The following DISC1 variants were observed in gnomAD, a reference collection of about 807,000 sequenced individuals.
DISC1 encodes the protein DISC1 scaffold protein.
Under a neutral mutation model 84.5 loss-of-function variants are expected in DISC1, and 57 were observed. The observed-to-expected ratio is 0.67, with a 90% CI of 0.55 to 0.84. The LOEUF (loss-of-function observed/expected upper bound fraction) is 0.84. Ranked by LOEUF, DISC1 falls within the 40% of genes least tolerant of loss-of-function variation. The pLI, the probability that DISC1 is intolerant of heterozygous loss-of-function variation, is 0.00. For missense variants in DISC1, 1,000 were observed against 1,057.8 expected, an observed-to-expected ratio of 0.95 and a Z score of 0.76; for synonymous variants, 411 against 415.2, an observed-to-expected ratio of 0.99 and a Z score of 0.12.
chr1:231,649,716 A>T (rs1162485129), intron 1 of DISC1, among the ~76,000 whole-genome samples: 5 of 152,114 alleles, frequency 3.3e-5, no homozygotes, highest in African/African-American at 1.2e-4. Context: ...ATCTCTAAAG[A>T]CTTGCTTTAT....
chr1:231,748,359 T>A (rs1003658156), intron 3 of DISC1, among the ~76,000 whole-genome samples: 1 of 152,246 alleles, frequency 6.6e-6, no homozygotes, highest in Non-Finnish European at 1.5e-5. Context: ...TTCAGTAAGA[T>A]GTTCACTGTG....
intron 4 of DISC1, among the ~76,000 whole-genome samples, chr1:231,763,734 A>G (rs894526531): frequency 1.1e-4 from 17 of 152,212 alleles, no homozygotes; most frequent in African/African-American, 3.1e-4. Flanking sequence ...TCATTGGTCC[A>G]TGCCTTGCAA....
At position 231,932,202 on chromosome 1, in the gene DISC1, T is replaced by C. The variant is rs73096858; in HGVS notation, c.1982-26626T>C. ...ATAACCTACCTAATGACAATGAGTC[T>C]CTTGTCTTTTCTTAGGGCTGCATAA... On this transcript the variant is annotated intron_variant, in intron 9 of 12. Transcript: ENST00000439617. Among the ~76,000 whole-genome samples the C allele has an allele frequency of 3.0e-3, 451 of 152,284 alleles. 5 individuals are homozygous for C. The highest frequency in any genetic ancestry group is 0.01 in the African/African-American group (429 of 41,558).
chr1:231,830,040 G>T (rs2082120609), intron 9 of DISC1, among the ~76,000 whole-genome samples: 1 of 152,160 alleles, frequency 6.6e-6, no homozygotes, highest in Non-Finnish European at 1.5e-5. Context: ...GTACGTGCAG[G>T]TCACAGGGGA....
chr1:231,854,963 T>C (rs1463594780), intron 9 of DISC1: 1 of 984,204 alleles, frequency 1.0e-6, no homozygotes, highest in Non-Finnish European at 1.3e-6. Flanking sequence ...TGATCCACCT[T>C]CCTCAGCCTC....
intron 9 of DISC1, among the ~76,000 whole-genome samples, chr1:231,852,565 T>C (rs1292652520): frequency 6.6e-6 from 1 of 152,242 alleles, no homozygotes; most frequent in Non-Finnish European, 1.5e-5. Flanking sequence ...TATAGCAACA[T>C]TTGGGGCACA....
chr1:231,670,528 G>A (rs1252710359), intron 1 of DISC1: 1 of 152,172 alleles, frequency 6.6e-6, no homozygotes, highest in Non-Finnish European at 1.5e-5. Context: ...TATGGAAAAG[G>A]CTTTGGTAAA....
intron 10 of DISC1, among the ~76,000 whole-genome samples, chr1:231,981,092 C>T (rs939026884): frequency 7.2e-5 from 11 of 152,162 alleles, no homozygotes; most frequent in African/African-American, 9.7e-5. Flanking sequence ...CACAAGCACA[C>T]ACCACCATGT....
intron 2 of DISC1, 61 bp downstream of exon 2, chr1:231,694,866 A>G (rs2065445840): frequency 1.7e-5 from 27 of 1,587,682 alleles, no homozygotes; most frequent in Non-Finnish European, 2.3e-5. Context: ...AGCACTGGGC[A>G]GACGGCAGGA....
rs566458514 is a variant in DISC1, at chr1:231,626,909, C to T, written c.42C>T (p.Gly14=). 5.8e-4 allele frequency: 872 copies of T among 1,502,286 alleles called. No homozygotes were observed. The highest frequency in any genetic ancestry group is 6.7e-4 in the Non-Finnish European group (763 of 1,133,854). The allele number at this position is 1,502,286 out of a possible 1,614,324, so 93.1% of individuals were successfully genotyped here. The change falls in exon 1 of 13, where the codon GGC becomes GGT. Residue 14 remains glycine, a synonymous_variant. Coordinates refer to ENST00000439617, the MANE Select transcript of DISC1 (RefSeq NM_018662.3). ...GGPQGAPAAA[G]GGGVSHRAGS... ...CTCAGGGCGCCCCAGCCGCCGCCGG[C>T]GGCGGCGGCGTGAGCCACCGCGCAG...
intron 1 of DISC1, among the ~76,000 whole-genome samples, chr1:231,633,813 G>A (rs1262174605): frequency 6.6e-6 from 1 of 151,924 alleles, no homozygotes; most frequent in Admixed American, 6.6e-5. Flanking sequence ...TGTCCTGAAT[G>A]TGGAATCTGA....
At chr1:231,715,149 AATT>A (rs1468834587) in intron 3 of DISC1, among the ~76,000 whole-genome samples, 5 of 152,156 alleles carry the variant, frequency 3.3e-5, no homozygotes, top group Non-Finnish European at 7.4e-5. Flanking sequence ...GAGGTACTGT[AATT>A]AGCCAAGCCT....
In DISC1 at chr1:231,720,739, A is replaced by G. The variant is rs1033551439; in HGVS notation, c.1117+18715A>G. Reference sequence around the variant, plus strand: ...ATTTTTTTCCCTTGGGGCTTTCTGCATGAGGGCTAAAATGTGAAGTTCTTA... The same window carrying G: ...ATTTTTTTCCCTTGGGGCTTTCTGCGTGAGGGCTAAAATGTGAAGTTCTTA... On this transcript the variant is annotated intron_variant, in intron 3 of 12. Transcript: ENST00000439617. 4.7e-6 allele frequency: 4 copies of G among 848,850 alleles called. No homozygotes were observed. The African/African-American group carries it at 7.1e-5, about 15-fold the overall frequency. The allele number at this position is 848,850 out of a possible 1,614,324, so 52.6% of individuals were successfully genotyped here.
intron 1 of DISC1, among the ~76,000 whole-genome samples, chr1:231,632,859 T>G (rs2058845473): frequency 6.6e-6 from 1 of 152,118 alleles, no homozygotes; most frequent in African/African-American, 2.4e-5. Context: ...TGACCTGAGG[T>G]CAGGAGTTCG....
chr1:231,668,729 A>T (rs1279190327), intron 1 of DISC1, among the ~76,000 whole-genome samples: 2 of 152,196 alleles, frequency 1.3e-5, no homozygotes, highest in African/African-American at 4.8e-5. Context: ...TATCCCAGTG[A>T]TAGTGATACC....
chr1:231,721,084 T>A (rs1440643735), intron 3 of DISC1: 1 of 1,290,610 alleles, frequency 7.7e-7, no homozygotes, highest in South Asian at 1.2e-5. Context: ...TCTGTCCTGA[T>A]GTGAGAAATG....
intron 3 of DISC1, among the ~76,000 whole-genome samples, chr1:231,705,557 T>C (rs989016200): frequency 6.6e-6 from 1 of 152,040 alleles, no homozygotes; most frequent in Non-Finnish European, 1.5e-5. Context: ...GACTTGCGGC[T>C]GACTATGGTT....
chr1:231,714,998 G>A (rs1309461429), intron 3 of DISC1, among the ~76,000 whole-genome samples: 4 of 152,144 alleles, frequency 2.6e-5, no homozygotes, highest in Admixed American at 6.5e-5. Context: ...TATTCCATGT[G>A]GCAATTGAAG....
chr1:231,905,911 C>A (rs192582655), intron 9 of DISC1, among the ~76,000 whole-genome samples: 29 of 151,746 alleles, frequency 1.9e-4, no homozygotes, highest in South Asian at 4.2e-4. Context: ...GGAGGAACAG[C>A]GGGTCAACAA....
Sources: gnomAD v4.1 joint callset for allele counts (sites outside exome capture counted in the v4.1 genomes callset) on GRCh38, gnomAD v4.1.1 for gene constraint, MANE v1.5 for transcripts, NCBI Gene and HGNC (gene_info 2026-07-23, HGNC 2026-07-21) for gene names.